RGL1: variants seen among roughly 807,000 people sequenced by gnomAD.
RGL1 encodes the protein ral guanine nucleotide dissociation stimulator like 1, also known as ral guanine nucleotide dissociation stimulator-like 1.
A neutral mutation model predicts 95.2 loss-of-function variants in RGL1; 24 were observed. The observed-to-expected ratio is 0.25, with a 90% CI of 0.18 to 0.35. The LOEUF (loss-of-function observed/expected upper bound fraction) is 0.35. RGL1 is among the 10% of genes least tolerant of loss of function. The pLI, the probability that RGL1 is intolerant of heterozygous loss-of-function variation, is 1.00. For synonymous variants in RGL1, 329 were observed against 344.9 expected (o/e 0.95, Z 0.51); for missense variants, 715 against 936.3 (o/e 0.76, Z 3.08).
intron 1 of RGL1, among the ~76,000 whole-genome samples, chr1:183,643,693 C>T (rs10911386): frequency 0.13 from 19,487 of 152,074 alleles, 1,811 homozygotes; most frequent in African/African-American, 0.26. Flanking sequence ...TAAAACGATA[C>T]TCCCACCTCA....
intron 9 of RGL1, among the ~76,000 whole-genome samples, chr1:183,894,478 A>G (rs1368812055): frequency 6.6e-6 from 1 of 152,168 alleles, no homozygotes; most frequent in Admixed American, 6.5e-5. Flanking sequence ...CAGTCCATGT[A>G]TATCTGTAGG....
chr1:183,865,991 T>C lies in RGL1; in HGVS notation c.348-5T>C, dbSNP rs1406307143. ...TTGCTTGCTTGTTCATTATTATCTCTACAGGTATGGAAACCTGACAAGCCC... is the reference window on the plus strand; with the variant it reads ...TTGCTTGCTTGTTCATTATTATCTCCACAGGTATGGAAACCTGACAAGCCC... On this transcript the variant is annotated splice_polypyrimidine_tract_variant and splice_region_variant and intron_variant, in intron 3 of 17. Transcript: ENST00000360851. 5.0e-6 allele frequency: 8 copies of C among 1,609,782 alleles called. No homozygotes were observed. Among genetic ancestry groups the C allele is most frequent in the Non-Finnish European group, 6.8e-6 (8 of 1,176,220 alleles).
chr1:183,772,991 G>C (rs990105545), intron 2 of RGL1, among the ~76,000 whole-genome samples: 23 of 128,898 alleles, frequency 1.8e-4, no homozygotes, highest in Non-Finnish European at 3.0e-4. Context: ...AGTCCGGCCT[G>C]GGCGACAGAG....
rs556213583 is a variant in RGL1, at chr1:183,808,637, C to G, written c.138+2152C>G. ...GTTTGTTTTCCTGTATTCCAGTACCCTTTCAAAATTCTTCAAAGTAACTAG... is the reference window on the plus strand; with the variant it reads ...GTTTGTTTTCCTGTATTCCAGTACCGTTTCAAAATTCTTCAAAGTAACTAG... On this transcript the variant is annotated intron_variant, in intron 2 of 17. Coordinates refer to ENST00000360851, the MANE Select transcript of RGL1 (RefSeq NM_001297671.3). Among the ~76,000 whole-genome samples the G allele has an allele frequency of 3.9e-5, 6 of 152,226 alleles. No homozygotes were observed. In the East Asian group the frequency reaches 9.6e-4, roughly 24 times the overall value.
chr1:183,841,377 C>A (rs910009224), intron 2 of RGL1, among the ~76,000 whole-genome samples: 3 of 152,132 alleles, frequency 2.0e-5, no homozygotes, highest in African/African-American at 7.2e-5. Context: ...TTTCACTGGG[C>A]ATCCTGTAAT....
At chr1:183,722,154 G>T (rs1345770883) in intron 1 of RGL1, among the ~76,000 whole-genome samples, 1 of 151,766 alleles carries the variant, frequency 6.6e-6, no homozygotes, top group East Asian at 1.9e-4. Flanking sequence ...AGAGAACAGG[G>T]CAGAACAGTG....
At chr1:183,647,689 CTT>C (rs1491462664) in intron 1 of RGL1, 5 of 1,596,760 alleles carry the variant, frequency 3.1e-6, no homozygotes, top group Non-Finnish European at 4.3e-6. Context: ...TATTTCTTCC[CTT>C]TCTTCTTCTT....
chr1:183,640,042 A>G (rs1649818950), intron 1 of RGL1, among the ~76,000 whole-genome samples: 1 of 152,092 alleles, frequency 6.6e-6, no homozygotes, highest in South Asian at 2.1e-4. Context: ...GGGTTTCACC[A>G]TGTTGGCCAG....
At chr1:183,897,958 G>C in intron 10 of RGL1, 61 bp downstream of exon 10, 1 of 1,395,470 alleles carries the variant, frequency 7.2e-7, no homozygotes. Flanking sequence ...GTGCGTCTGG[G>C]CTCCCACATG....
intron 1 of RGL1, among the ~76,000 whole-genome samples, chr1:183,737,530 A>G (rs928539380): frequency 2.0e-5 from 3 of 150,694 alleles, no homozygotes; most frequent in African/African-American, 7.3e-5. Flanking sequence ...CAGGAGGATC[A>G]CTTGAGCCCA....
At chr1:183,719,528 G>T (rs1655858134) in intron 1 of RGL1, among the ~76,000 whole-genome samples, 1 of 152,090 alleles carries the variant, frequency 6.6e-6, no homozygotes, top group African/African-American at 2.4e-5. Context: ...AAGGCCTTAG[G>T]GCCTTTGTGT....
intron 2 of RGL1, among the ~76,000 whole-genome samples, chr1:183,778,071 T>A (rs1370780771): frequency 6.6e-6 from 1 of 152,260 alleles, no homozygotes; most frequent in Non-Finnish European, 1.5e-5. Flanking sequence ...ATTTTTTTCT[T>A]ATTTAATGTG....
chr1:183,670,709 G>T (rs79577395), intron 1 of RGL1, among the ~76,000 whole-genome samples: 1,980 of 152,328 alleles, frequency 0.013, 53 homozygotes, highest in African/African-American at 0.046. Flanking sequence ...GTTCTAAGAA[G>T]AGTTGTTGAT....
chr1:183,807,527 T>A (rs1298609824), intron 2 of RGL1, among the ~76,000 whole-genome samples: 1 of 152,192 alleles, frequency 6.6e-6, no homozygotes, highest in Non-Finnish European at 1.5e-5. Flanking sequence ...GGCCTCCTGT[T>A]AAGAGTAGTG....
In RGL1 at chr1:183,708,007, C is replaced by T. The variant is rs1490470832; in HGVS notation, c.-32-34119C>T. The stretch of plus-strand genomic sequence containing the variant: ...AGGCCTGGACATAAGGAATTTCTCC[C>T]CATTTCTCCAGTTGTCGGCAATAAT... On this transcript the variant is annotated intron_variant, in intron 1 of 18. Transcript: ENST00000304685. Among the ~76,000 whole-genome samples the T allele has an allele frequency of 1.3e-5, 2 of 152,054 alleles. 1 individual carries two copies. The highest frequency in any genetic ancestry group is 4.8e-5 in the African/African-American group (2 of 41,412).
chr1:183,802,630 A>T (rs1332333332), upstream of RGL1, among the ~76,000 whole-genome samples: 7 of 149,014 alleles, frequency 4.7e-5, no homozygotes, highest in Non-Finnish European at 8.9e-5. Flanking sequence ...AACCCTTATA[A>T]ACTAATAAAC....
At chr1:183,730,293 C>G (rs1656555318) in intron 1 of RGL1, among the ~76,000 whole-genome samples, 1 of 152,118 alleles carries the variant, frequency 6.6e-6, no homozygotes, top group Admixed American at 6.6e-5. Flanking sequence ...AGCAACTTCC[C>G]ACTTAAATAC....
At chr1:183,908,015 AAAC>A (rs1446810947) in intron 14 of RGL1, among the ~76,000 whole-genome samples, 4 of 152,066 alleles carry the variant, frequency 2.6e-5, no homozygotes, top group South Asian at 2.1e-4. Context: ...AAACAAAACA[AAAC>A]AACAACAACA....
At chr1:183,642,953 T>TC (rs1358248375) in intron 1 of RGL1, among the ~76,000 whole-genome samples, 1 of 152,202 alleles carries the variant, frequency 6.6e-6, no homozygotes, top group Non-Finnish European at 1.5e-5. Flanking sequence ...AACTCCCTGT[T>TC]CCCTGCTCCC....
Sources: allele counts gnomAD v4.1 joint callset (sites outside exome capture counted in the v4.1 genomes callset), GRCh38; gene constraint gnomAD v4.1.1; transcripts MANE v1.5; gene names NCBI Gene and HGNC (gene_info 2026-07-23, HGNC 2026-07-21).